RARB: variants seen among roughly 807,000 people sequenced by gnomAD.
The protein encoded by RARB is HBV-activated protein.
RARB carries 17 observed loss-of-function variants against 51.9 expected under a neutral mutation model. The observed-to-expected ratio is 0.33, with a 90% CI of 0.22 to 0.49. The LOEUF is 0.49. RARB is among the 20% of genes least tolerant of loss of function. The pLI, the probability that RARB is intolerant of heterozygous loss-of-function variation, is 0.99. For synonymous variants in RARB, 215 were observed against 195.4 expected (o/e 1.10, Z -0.84); for missense variants, 369 against 550.8 (o/e 0.67, Z 3.30).
intron 5 of RARB, among the ~76,000 whole-genome samples, chr3:25,205,243 C>G (rs1360274365): frequency 6.6e-6 from 1 of 152,164 alleles, no homozygotes; most frequent in Non-Finnish European, 1.5e-5. Context: ...GATATAATCT[C>G]CTGCTGTGCA....
chr3:25,548,405 A>G (rs1699708374), intron 3 of RARB, among the ~76,000 whole-genome samples: 1 of 152,146 alleles, frequency 6.6e-6, no homozygotes, highest in African/African-American at 2.4e-5. Flanking sequence ...AATGTACTCT[A>G]TTCAAGGTTA....
At chr3:25,179,721 C>A (rs1004784313) in intron 5 of RARB, among the ~76,000 whole-genome samples, 1 of 152,062 alleles carries the variant, frequency 6.6e-6, no homozygotes, top group African/African-American at 2.4e-5. Flanking sequence ...CTTTCTTAGG[C>A]CCAGAGTCAT....
At chr3:25,279,764 G>A (rs141985684) in intron 5 of RARB, among the ~76,000 whole-genome samples, 46 of 152,158 alleles carry the variant, frequency 3.0e-4, no homozygotes, top group Non-Finnish European at 5.7e-4. Context: ...TAGCTTTTAG[G>A]CATTTCCTCC....
At chr3:24,920,925 C>T (rs1241170736) in intron 2 of RARB, among the ~76,000 whole-genome samples, 1 of 152,126 alleles carries the variant, frequency 6.6e-6, no homozygotes, top group Non-Finnish European at 1.5e-5. Flanking sequence ...TCCTTTTGCT[C>T]CTAATTAGCT....
intron 1 of RARB, among the ~76,000 whole-genome samples, chr3:24,855,814 C>T (rs1019638837): frequency 6.2e-5 from 9 of 145,514 alleles, no homozygotes; most frequent in Admixed American, 4.2e-4. Flanking sequence ...TGCAGTGGCA[C>T]GATCTTGGCT....
chr3:24,851,149 G>T (rs966035898), intron 1 of RARB, among the ~76,000 whole-genome samples: 24 of 152,076 alleles, frequency 1.6e-4, no homozygotes, highest in African/African-American at 5.3e-4. Flanking sequence ...AGAGGTTGTG[G>T]CCAGGCCTGG....
At chr3:24,973,126 T>C (rs1365218241) in intron 2 of RARB, among the ~76,000 whole-genome samples, 2 of 152,086 alleles carry the variant, frequency 1.3e-5, no homozygotes, top group Non-Finnish European at 2.9e-5. Context: ...GATTTAAGTG[T>C]TCAATCCATT....
At chr3:24,832,602 C>T (rs912841102) in intron 1 of RARB, among the ~76,000 whole-genome samples, 2 of 105,148 alleles carry the variant, frequency 1.9e-5, no homozygotes, top group African/African-American at 8.4e-5. Flanking sequence ...AGACTCATCC[C>T]CTGTATTTAG....
intron 2 of RARB, among the ~76,000 whole-genome samples, chr3:25,047,614 A>G (rs1698243214): frequency 1.3e-5 from 2 of 152,196 alleles, no homozygotes; most frequent in South Asian, 2.1e-4. Context: ...AATCACCACT[A>G]TCTATTTAGC....
intron 4 of RARB, among the ~76,000 whole-genome samples, chr3:25,142,010 A>T (rs1216253343): frequency 2.0e-5 from 3 of 152,218 alleles, no homozygotes; most frequent in African/African-American, 7.2e-5. Context: ...GACCAGCAGC[A>T]TCAGTCTCAC....
At chr3:25,071,489 G>A (rs1424619737) in intron 3 of RARB, among the ~76,000 whole-genome samples, 1 of 152,174 alleles carries the variant, frequency 6.6e-6, no homozygotes, top group Non-Finnish European at 1.5e-5. Flanking sequence ...GGTTGGTTGT[G>A]TGTATGGCAT....
chr3:25,044,730 A>G (rs887349620), intron 2 of RARB, among the ~76,000 whole-genome samples: 1 of 152,246 alleles, frequency 6.6e-6, no homozygotes, highest in Non-Finnish European at 1.5e-5. Flanking sequence ...TAATTTAAGT[A>G]AGTATCTTTC....
At chr3:25,443,413 C>A (rs1225791366) in intron 1 of RARB, among the ~76,000 whole-genome samples, 3 of 133,356 alleles carry the variant, frequency 2.2e-5, no homozygotes, top group Non-Finnish European at 5.1e-5. Flanking sequence ...TTGTCCCCCC[C>A]ACCACCCCTT....
intron 5 of RARB, among the ~76,000 whole-genome samples, chr3:25,366,352 C>T (rs1019525833): frequency 2.0e-5 from 3 of 152,120 alleles, no homozygotes; most frequent in Non-Finnish European, 4.4e-5. Flanking sequence ...TGCCTTCTAC[C>T]CCTCAGGATT....
At chr3:25,258,496 G>A (rs1702921607) in intron 5 of RARB, among the ~76,000 whole-genome samples, 1 of 152,100 alleles carries the variant, frequency 6.6e-6, no homozygotes, top group South Asian at 2.1e-4. Context: ...TAAAGAATTA[G>A]TCAACACCTT....
intron 5 of RARB, among the ~76,000 whole-genome samples, chr3:25,318,888 G>T (rs2125438130): frequency 6.6e-6 from 1 of 152,248 alleles, no homozygotes; most frequent in Admixed American, 6.5e-5. Context: ...CCTTTTCTCT[G>T]TGTGTCAATT....
intron 2 of RARB, among the ~76,000 whole-genome samples, chr3:25,025,807 C>A (rs764254544): frequency 9.2e-5 from 14 of 152,128 alleles, no homozygotes; most frequent in Non-Finnish European, 1.8e-4. Context: ...GAATATTTGT[C>A]TATGGCCCAT....
chr3:25,178,681 C>T (rs1269829398), intron 5 of RARB, among the ~76,000 whole-genome samples: 1 of 152,138 alleles, frequency 6.6e-6, no homozygotes, highest in Non-Finnish European at 1.5e-5. Context: ...GACCTTGCAA[C>T]CTCTTTAATT....
chr3:24,896,154 A>AT (rs1176750880), intron 2 of RARB, among the ~76,000 whole-genome samples: 7 of 152,222 alleles, frequency 4.6e-5, no homozygotes, highest in African/African-American at 1.7e-4. Flanking sequence ...GCAACCTGGA[A>AT]TTGTGAAAAT....
Sources: allele counts gnomAD v4.1 joint callset (sites outside exome capture counted in the v4.1 genomes callset), GRCh38; gene constraint gnomAD v4.1.1; transcripts MANE v1.5; gene names NCBI Gene and HGNC (gene_info 2026-07-23, HGNC 2026-07-21).